NALCN: variants seen among roughly 807,000 people sequenced by gnomAD.
NALCN encodes sodium leak channel NALCN.
Under a neutral mutation model 225.3 loss-of-function variants are expected in NALCN, and 111 were observed. The ratio of observed to expected loss-of-function variants is 0.49; its 90% CI spans 0.42 to 0.58. The LOEUF is 0.58. Among genes scored for constraint, NALCN ranks in the 20% least tolerant of loss-of-function variants. The probability of loss-of-function intolerance (pLI) is 0.00; values close to 1 mark genes in which losing one functional copy is unlikely to be tolerated. For missense variants in NALCN, 1,378 were observed against 2,202.4 expected (o/e 0.63, Z 7.49); for synonymous variants, 764 against 769.0 (o/e 0.99, Z 0.11).
intron 11 of NALCN, among the ~76,000 whole-genome samples, chr13:101,249,222 G>T (rs1241981353): frequency 6.6e-6 from 1 of 152,114 alleles, no homozygotes; most frequent in Non-Finnish European, 1.5e-5. Context: ...TAAAATTAAT[G>T]ACTCTATAAA....
At chr13:101,331,632 T>C (rs1475925342) in intron 7 of NALCN, among the ~76,000 whole-genome samples, 1 of 152,128 alleles carries the variant, frequency 6.6e-6, no homozygotes, top group African/African-American at 2.4e-5. Context: ...GAGTTTCCGT[T>C]GTTTAAAAGT....
At chr13:101,399,209 C>T in intron 1 of NALCN, 44 bp from the exon 2 acceptor site, 1 of 1,509,678 alleles carries the variant, frequency 6.6e-7, no homozygotes, top group Non-Finnish European at 9.0e-7. Flanking sequence ...ACCATCTTGC[C>T]CTCATCAAAA....
intron 9 of NALCN, among the ~76,000 whole-genome samples, chr13:101,285,146 A>AG (rs2043294546): frequency 6.6e-6 from 1 of 152,168 alleles, no homozygotes; most frequent in South Asian, 2.1e-4. Flanking sequence ...GATGATGCAA[A>AG]GATCCCATTA....
At chr13:101,149,094 C>T (rs1206955419) in intron 15 of NALCN, among the ~76,000 whole-genome samples, 6 of 152,120 alleles carry the variant, frequency 3.9e-5, no homozygotes, top group Non-Finnish European at 7.4e-5. Flanking sequence ...GAGATCGAGA[C>T]CATCCTGGCT....
intron 11 of NALCN, among the ~76,000 whole-genome samples, chr13:101,247,669 T>C (rs2041938165): frequency 1.3e-5 from 2 of 152,288 alleles, no homozygotes; most frequent in East Asian, 3.9e-4. Flanking sequence ...AAATTTAAAG[T>C]TCCAGGATAT....
intron 13 of NALCN, 41 bp downstream of exon 13, chr13:101,229,352 A>T (rs777050175): frequency 8.3e-6 from 12 of 1,447,848 alleles, no homozygotes; most frequent in Non-Finnish European, 1.1e-5. Context: ...TACTAAAATA[A>T]GAACAATGAA....
At position 101,090,060 on chromosome 13, in the gene NALCN, A is replaced by ATG. The variant is rs148372023; in HGVS notation, c.3270-96_3270-95dup. On this transcript the variant is annotated intron_variant, in intron 28 of 43. Transcript: ENST00000251127. ...CCCTTTCCAGTCATGAGTGTGGGAT[A>ATG]TGTGTGTGTGTGTGTATATACACAC... 5.1e-4 allele frequency: 796 copies of ATG among 1,553,894 alleles called. 2 individuals are homozygous for ATG. The Admixed American group carries it at 6.9e-3, about 14-fold the overall frequency.
chr13:101,194,405 A>C (rs575221898), intron 13 of NALCN, among the ~76,000 whole-genome samples: 1 of 152,338 alleles, frequency 6.6e-6, no homozygotes, highest in African/African-American at 2.4e-5. Flanking sequence ...GTGCCAACAA[A>C]TACTTCTATT....
chr13:101,197,024 C>T (rs1481537213), intron 13 of NALCN, among the ~76,000 whole-genome samples: 4 of 151,854 alleles, frequency 2.6e-5, no homozygotes, highest in African/African-American at 9.7e-5. Context: ...TGACATTTTG[C>T]CTTCACTCTC....
chr13:101,172,091 C>T (rs909327295), intron 15 of NALCN, among the ~76,000 whole-genome samples: 5 of 152,132 alleles, frequency 3.3e-5, no homozygotes, highest in East Asian at 1.9e-4. Flanking sequence ...CTCATGAGGA[C>T]GCCTAGAGCT....
At chr13:101,392,285 T>A (rs977435408) in intron 3 of NALCN, among the ~76,000 whole-genome samples, 1 of 151,954 alleles carries the variant, frequency 6.6e-6, no homozygotes, top group Admixed American at 6.6e-5. Flanking sequence ...ATAACATATA[T>A]AACAAAACAA....
At chr13:101,079,495 C>T (rs1196141442) in intron 34 of NALCN, among the ~76,000 whole-genome samples, 1 of 152,162 alleles carries the variant, frequency 6.6e-6, no homozygotes, top group Admixed American at 6.5e-5. Flanking sequence ...CAGATGGAGC[C>T]ATCACTCCCT....
At chr13:101,160,153 A>G (rs556330035) in intron 15 of NALCN, among the ~76,000 whole-genome samples, 1 of 152,106 alleles carries the variant, frequency 6.6e-6, no homozygotes, top group East Asian at 1.9e-4. Flanking sequence ...ACAGGGTTTC[A>G]CCATGTTAGC....
chr13:101,266,273 G>A (rs2042593537), intron 10 of NALCN, among the ~76,000 whole-genome samples: 1 of 131,118 alleles, frequency 7.6e-6, no homozygotes, highest in Non-Finnish European at 1.7e-5. Flanking sequence ...GCCTGAAGGT[G>A]TAACATAAGA....
rs189527503 is a variant in NALCN, at chr13:101,254,662, C to T, written c.1266+3781G>A. ...ATCCCAGCACTTTGGGAGGCCGAGG[C>T]GGGCGGATCACGAGGTCAGGAGATC... On this transcript the variant is annotated intron_variant, in intron 11 of 43. Coordinates refer to ENST00000251127, the MANE Select transcript of NALCN (RefSeq NM_052867.4). Among the ~76,000 whole-genome samples, 18 of 72,950 alleles carry T rather than the reference C, an allele frequency of 2.5e-4. 5 individuals carry two copies. The South Asian group carries it at 9.2e-3, about 37-fold the overall frequency. The allele number at this position is 72,950 out of a possible 152,430, so 47.9% of individuals were successfully genotyped here. A position where few individuals can be genotyped will look rare whatever the true frequency, so the allele number is the denominator to read the frequency against.
rs547896908 is a variant in NALCN at position 101,212,220 on chromosome 13, C to T, written c.1626+17173G>A. On this transcript the variant is annotated intron_variant, in intron 13 of 43. Transcript: ENST00000251127. ...CTCTACCTGTTGAAATTATATTCAC[C>T]CCTAAAGACAAATCTTTATAAAGCT... is the stretch of plus-strand genomic sequence containing the variant. Among the ~76,000 whole-genome samples the T allele has an allele frequency of 3.9e-5, 6 of 152,190 alleles. No individual in the cohort carries two copies. In the East Asian group the frequency reaches 1.2e-3, roughly 29 times the overall value.
At chr13:101,337,620 T>A (rs578181826) in intron 7 of NALCN, among the ~76,000 whole-genome samples, 2 of 152,292 alleles carry the variant, frequency 1.3e-5, no homozygotes, top group South Asian at 4.1e-4. Context: ...CATTTATTCT[T>A]TTTTCTAAGA....
chr13:101,068,177 A>G (rs1382175808), intron 38 of NALCN, 144 bp from the exon 39 acceptor site: 4 of 609,894 alleles, frequency 6.6e-6, no homozygotes, highest in African/African-American at 3.7e-5. Flanking sequence ...TATGGTTTCC[A>G]AATTGGCATG....
In NALCN at chr13:101,349,774, C is replaced by T. The variant is rs970645563; in HGVS notation, c.645-4354G>A. 7.2e-5 allele frequency among the ~76,000 whole-genome samples: 11 copies of T among 152,282 alleles called. No homozygotes were observed. The East Asian group carries it at 1.5e-3, about 21-fold the overall frequency. On this transcript the variant is annotated intron_variant, in intron 6 of 43. Coordinates refer to ENST00000251127, the MANE Select transcript of NALCN (RefSeq NM_052867.4). ...CATGATTTCTCAATTCTCTGTCATC[C>T]TTTACATCGTTGTAGAGTCTTAGAG...
Sources: allele counts gnomAD v4.1 joint callset (sites outside exome capture counted in the v4.1 genomes callset), GRCh38; gene constraint gnomAD v4.1.1; transcripts MANE v1.5; gene names NCBI Gene and HGNC (gene_info 2026-07-23, HGNC 2026-07-21).